The following ADAM7 variants were observed in gnomAD, a reference collection of about 807,000 sequenced individuals.
ADAM7 encodes the protein disintegrin and metalloproteinase domain-containing protein 7.
Under a neutral mutation model 102.9 loss-of-function variants are expected in ADAM7, and 97 were observed. The ratio of observed to expected loss-of-function variants is 0.94; its 90% CI spans 0.80 to 1.12. The LOEUF is 1.12. Ranked by LOEUF, ADAM7 falls within the 50% of genes most tolerant of loss-of-function variation. ADAM7 has a pLI of 0.00. For synonymous variants in ADAM7, 334 were observed against 304.4 expected, an observed-to-expected ratio of 1.10 and a Z score of -1.01; for missense variants, 991 against 908.7, an observed-to-expected ratio of 1.09 and a Z score of -1.16.
chr8:24,456,042 G>A (rs993456825), intron 3 of ADAM7, among the ~76,000 whole-genome samples: 7 of 151,716 alleles, frequency 4.6e-5, no homozygotes, highest in Non-Finnish European at 8.8e-5. Context: ...TTCACCATGC[G>A]GTGCAACAGA....
chr8:24,495,887 T>A (rs747338929), intron 16 of ADAM7, among the ~76,000 whole-genome samples: 2 of 152,258 alleles, frequency 1.3e-5, no homozygotes, highest in African/African-American at 2.4e-5. Context: ...AAACCCATTT[T>A]CTGAGGAGAA....
At chr8:24,463,247 G>A (rs981856224) in intron 3 of ADAM7, among the ~76,000 whole-genome samples, 6 of 152,044 alleles carry the variant, frequency 3.9e-5, no homozygotes, top group African/African-American at 1.4e-4. Context: ...GTTCAGGTTG[G>A]GATCAAGAAG....
At chr8:24,504,836 G>C (rs1006541532) in intron 20 of ADAM7, among the ~76,000 whole-genome samples, 2 of 152,060 alleles carry the variant, frequency 1.3e-5, no homozygotes, top group Admixed American at 1.3e-4. Flanking sequence ...TATAGAGATA[G>C]TGAATCTTTC....
rs962824626 is a variant in ADAM7, at chr8:24,492,418, A to C, written c.1553-77A>C. Reference sequence around the variant, plus strand: ...GACATGATTCTGAAAGTTTAATTACATTAGAAAAATAAGGTCTTTTATGAT... The same window carrying C: ...GACATGATTCTGAAAGTTTAATTACCTTAGAAAAATAAGGTCTTTTATGAT... On this transcript the variant is annotated intron_variant, in intron 14 of 21. Transcript: ENST00000175238. 4 of 1,062,476 alleles carry C rather than the reference A, an allele frequency of 3.8e-6. No homozygotes were observed. In the African/African-American group the frequency reaches 6.5e-5, roughly 17 times the overall value. 65.8% of individuals were successfully genotyped at this position (1,062,476 alleles called of 1,614,324 possible).
At chr8:24,497,046 A>C (rs1820583090) in intron 16 of ADAM7, among the ~76,000 whole-genome samples, 1 of 152,178 alleles carries the variant, frequency 6.6e-6, no homozygotes, top group South Asian at 2.1e-4. Context: ...AGGTAAGTGA[A>C]TCATGAGAGC....
intron 3 of ADAM7, among the ~76,000 whole-genome samples, chr8:24,457,417 A>C (rs1450358315): frequency 1.3e-5 from 2 of 152,088 alleles, no homozygotes; most frequent in Non-Finnish European, 2.9e-5. Context: ...CTGGGACTGC[A>C]GGCATCCACC....
At chr8:24,457,213 C>T (rs116745749) in intron 3 of ADAM7, among the ~76,000 whole-genome samples, 2,280 of 152,154 alleles carry the variant, frequency 0.015, 61 homozygotes, top group African/African-American at 0.052. Context: ...CTTATTTGAT[C>T]ATTTGTATAT....
chr8:24,499,934 C>T (rs1013099181), intron 17 of ADAM7, among the ~76,000 whole-genome samples: 4 of 151,952 alleles, frequency 2.6e-5, no homozygotes, highest in Non-Finnish European at 4.4e-5. Context: ...GTTCATCTGC[C>T]TTTGAATTTG....
intron 8 of ADAM7, 130 bp from the exon 9 acceptor site, chr8:24,482,012 T>C (rs1563387842): frequency 6.3e-6 from 4 of 636,736 alleles, no homozygotes; most frequent in Non-Finnish European, 1.0e-5. Context: ...AACATGAGGC[T>C]TGCACTGTTT....
rs1260681743 is a variant in ADAM7, at chr8:24,505,894, G to C, written c.2209-1586G>C. ...TAGCGATAGTAAGATTTGGTGGCTA[G>C]CAGACCTGCCTCATCATATTCATAT... On this transcript the variant is annotated intron_variant, in intron 20 of 21. Coordinates refer to ENST00000175238, the MANE Select transcript of ADAM7 (RefSeq NM_003817.4). Among the ~76,000 whole-genome samples, 6 of 152,124 alleles carry C rather than the reference G, an allele frequency of 3.9e-5. No individual in the cohort carries two copies. In the South Asian group the frequency reaches 1.2e-3, roughly 32 times the overall value.
intron 2 of ADAM7, among the ~76,000 whole-genome samples, chr8:24,445,543 G>A (rs1204121022): frequency 6.6e-6 from 1 of 152,150 alleles, no homozygotes; most frequent in African/African-American, 2.4e-5. Flanking sequence ...GCATGTAAAT[G>A]TCTTTTAAAG....
At chr8:24,492,416 A>T (rs768022400) in intron 14 of ADAM7, 79 bp from the exon 15 acceptor site, 73 of 1,043,052 alleles carry the variant, frequency 7.0e-5, no homozygotes, top group Non-Finnish European at 8.6e-5. Context: ...AAGTTTAATT[A>T]CATTAGAAAA....
rs940085461 is a variant in ADAM7 at position 24,465,732 on chromosome 8, G to A, written c.346G>A (p.Glu116Lys). 6 of 1,610,654 alleles carry A rather than the reference G, an allele frequency of 3.7e-6. No individual in the cohort carries two copies. The highest frequency in any genetic ancestry group is 1.1e-5 in the South Asian group (1 of 90,290). ...TTTTTACCAAGGATCCATAGTACAC[G>A]AATATGATTCAGCTGCCAGTATCAG... ...HCFYQGSIVH[E>K]YDSAASISTC... The change falls in exon 5 of 22, where the codon GAA becomes AAA. Residue 116 changes from glutamate (E) to lysine (K), a missense_variant. Coordinates refer to ENST00000175238, the MANE Select transcript of ADAM7 (RefSeq NM_003817.4).
chr8:24,447,181 T>C lies in ADAM7; in HGVS notation c.157-5T>C, dbSNP rs752671426. 1.3e-6 allele frequency: 2 copies of C among 1,528,908 alleles called. No homozygotes were observed. The highest frequency in any genetic ancestry group is 1.8e-5 in the Admixed American group (1 of 54,412). 94.7% of individuals were successfully genotyped at this position (1,528,908 alleles called of 1,614,324 possible). A position where few individuals can be genotyped will look rare whatever the true frequency, so the allele number is the denominator to read the frequency against. On this transcript the variant is annotated splice_region_variant and splice_polypyrimidine_tract_variant and intron_variant, in intron 2 of 21. Coordinates refer to ENST00000175238, the MANE Select transcript of ADAM7 (RefSeq NM_003817.4). ...TGAAGTCACGTGATGCCTCTTCTTT[T>C]TTAGAAAACGTATGAAGAAGAATTG... is the stretch of plus-strand genomic sequence containing the variant.
intron 10 of ADAM7, among the ~76,000 whole-genome samples, 170 bp from the exon 11 acceptor site, chr8:24,487,017 A>G (rs1820166152): frequency 6.6e-6 from 1 of 152,174 alleles, no homozygotes; most frequent in South Asian, 2.1e-4. Flanking sequence ...TTCTTATACA[A>G]TTAAGGAAAC....
intron 9 of ADAM7, among the ~76,000 whole-genome samples, chr8:24,484,716 A>G (rs1820073145): frequency 6.6e-6 from 1 of 151,998 alleles, no homozygotes; most frequent in African/African-American, 2.4e-5. Flanking sequence ...CTAAAGTAAA[A>G]TGGGATTTCA....
At chr8:24,460,048 C>A (rs1819184964) in intron 3 of ADAM7, among the ~76,000 whole-genome samples, 2 of 151,862 alleles carry the variant, frequency 1.3e-5, no homozygotes, top group Non-Finnish European at 1.5e-5. Flanking sequence ...TATTTTAGAG[C>A]ATGTTATTTA....
chr8:24,495,767 C>G (rs1820531721), intron 16 of ADAM7, among the ~76,000 whole-genome samples: 1 of 152,092 alleles, frequency 6.6e-6, no homozygotes, highest in Admixed American at 6.5e-5. Flanking sequence ...TTCTAAGCAG[C>G]AAAGCATTCA....
At position 24,500,789 on chromosome 8, in the gene ADAM7, G is replaced by T; in HGVS notation, c.2003-1G>T. The T allele has an allele frequency of 6.2e-7, 1 of 1,612,036 alleles. No individual in the cohort carries two copies. The highest frequency in any genetic ancestry group is 8.5e-7 in the Non-Finnish European group (1 of 1,178,532). On this transcript the variant is annotated splice_acceptor_variant, in intron 18 of 21. Coordinates refer to ENST00000175238, the MANE Select transcript of ADAM7 (RefSeq NM_003817.4). LOFTEE classifies it high-confidence loss of function. ...GAAGCCCATGTTTCTTCATGTTGCA[G>T]ATATCACCATCTTGGTTGTTGTGCT...
Sources: gnomAD v4.1 joint callset for allele counts (sites outside exome capture counted in the v4.1 genomes callset) on GRCh38, gnomAD v4.1.1 for gene constraint, MANE v1.5 for transcripts, NCBI Gene and HGNC (gene_info 2026-07-23, HGNC 2026-07-21) for gene names.